PTPRB: variants seen among roughly 807,000 people sequenced by gnomAD.
PTPRB encodes the protein receptor-type tyrosine-protein phosphatase beta.
PTPRB carries 97 observed loss-of-function variants against 238.1 expected under a neutral mutation model. The observed-to-expected ratio is 0.41, with a 90% CI of 0.35 to 0.48. The LOEUF is 0.48. Among genes scored for constraint, PTPRB ranks in the 20% least tolerant of loss-of-function variants. PTPRB has a pLI of 0.30. For missense variants in PTPRB, 2,292 were observed against 2,681.9 expected, an observed-to-expected ratio of 0.85 and a Z score of 3.21; for synonymous variants, 970 against 995.4, an observed-to-expected ratio of 0.97 and a Z score of 0.48.
intron 32 of PTPRB, among the ~76,000 whole-genome samples, chr12:70,530,558 G>T (rs1873086924): frequency 6.6e-6 from 1 of 152,098 alleles, no homozygotes; most frequent in Non-Finnish European, 1.5e-5. Context: ...GTGTATTTAA[G>T]GATGAGATAA....
intron 8 of PTPRB, among the ~76,000 whole-genome samples, chr12:70,588,614 C>G (rs1882178598): frequency 6.6e-6 from 1 of 150,966 alleles, no homozygotes; most frequent in South Asian, 2.1e-4. Context: ...GCCTGGGCAA[C>G]AAGAGTGAAA....
At chr12:70,626,791 G>C (rs1885225944) in intron 2 of PTPRB, among the ~76,000 whole-genome samples, 1 of 151,894 alleles carries the variant, frequency 6.6e-6, no homozygotes. Flanking sequence ...ACGTGTGTGT[G>C]TGTGCATTAA....
intron 21 of PTPRB, among the ~76,000 whole-genome samples, chr12:70,547,131 G>A (rs1324827361): frequency 2.0e-5 from 3 of 151,942 alleles, no homozygotes; most frequent in African/African-American, 4.8e-5. Context: ...CCCTGCTCCC[G>A]CTTCTTCTGA....
intron 33 of PTPRB, 39 bp from the exon 34 acceptor site, chr12:70,521,550 G>T: frequency 6.6e-7 from 1 of 1,504,272 alleles, no homozygotes; most frequent in Non-Finnish European, 8.9e-7. Context: ...CTGCCGCAGG[G>T]TGTGTCATAA....
chr12:70,577,307 A>G (rs1880893701), intron 10 of PTPRB, among the ~76,000 whole-genome samples: 2 of 152,168 alleles, frequency 1.3e-5, no homozygotes. Context: ...TATGGCGATA[A>G]TGGGTTTTCT....
At chr12:70,631,942 G>A (rs902905635) in intron 2 of PTPRB, among the ~76,000 whole-genome samples, 2 of 152,228 alleles carry the variant, frequency 1.3e-5, no homozygotes, top group Non-Finnish European at 2.9e-5. Flanking sequence ...AGATGCTGGA[G>A]AGGATGTGGA....
At position 70,517,861 on chromosome 12, in the gene PTPRB, T is replaced by C. The variant is rs1871309868; in HGVS notation, c.*3628A>G. 1.3e-5 allele frequency: 2 copies of C among 152,130 alleles called. No individual in the cohort carries two copies. The highest frequency in any genetic ancestry group is 4.8e-5 in the African/African-American group (2 of 41,430). The allele number at this position is 152,130 out of a possible 1,614,324, so 9.4% of individuals were successfully genotyped here. A position where few individuals can be genotyped will look rare whatever the true frequency, so the allele number is the denominator to read the frequency against. On this transcript the variant is annotated 3_prime_UTR_variant, in exon 34 of 34. Transcript: ENST00000334414. ...AAGAATTCTTAGAAAGCTAAGTGAA[T>C]GAGAATTTAGTATATGGCCAATAAT...
intron 6 of PTPRB, among the ~76,000 whole-genome samples, chr12:70,593,718 A>T (rs1396209227): frequency 2.0e-5 from 3 of 152,136 alleles, no homozygotes; most frequent in African/African-American, 7.2e-5. Context: ...CTTTCCCACC[A>T]GCCTCCCATA....
intron 20 of PTPRB, 55 bp downstream of exon 20, chr12:70,555,105 A>G: frequency 6.4e-7 from 1 of 1,553,710 alleles, no homozygotes; most frequent in African/African-American, 1.4e-5. Context: ...CTCCCACATG[A>G]CCTCTGAGGA....
chr12:70,556,108 G>A lies in PTPRB; in HGVS notation c.4755C>T (p.Asn1585=). ...KIQNLHCRPQ[N]STAIACSWIP... is the part of the protein sequence containing the mutation. ...TCCAAGAACAGGCAATGGCCGTGGA[G>A]TTCTGAGGCCGGCAATGCAGGTTTT... is the stretch of plus-strand genomic sequence containing the variant. The change falls in exon 19 of 34, where the codon AAC becomes AAT. Residue 1585 remains asparagine (N), a synonymous_variant. Coordinates refer to ENST00000334414, the MANE Select transcript of PTPRB (RefSeq NM_001109754.4). The A allele has an allele frequency of 6.2e-7, 1 of 1,613,794 alleles. No individual in the cohort carries two copies. Among genetic ancestry groups the A allele is most frequent in the South Asian group, 1.1e-5 (1 of 91,074 alleles).
intron 2 of PTPRB, among the ~76,000 whole-genome samples, chr12:70,634,466 T>C (rs1215974078): frequency 1.3e-5 from 2 of 152,204 alleles, no homozygotes; most frequent in Non-Finnish European, 2.9e-5. Flanking sequence ...TTTTTATTTT[T>C]AGTTTTGGGG....
At position 70,555,188 on chromosome 12, in the gene PTPRB, G is replaced by C; in HGVS notation, c.5115C>G (p.Tyr1705Ter). The C allele has an allele frequency of 6.2e-7, 1 of 1,613,922 alleles. No homozygotes were observed. The highest frequency in any genetic ancestry group is 8.5e-7 in the Non-Finnish European group (1 of 1,179,822). The change falls in exon 20 of 34, where the codon TAC (tyrosine) becomes TAG (stop). Residue 1705 changes from tyrosine to a stop codon, truncating the protein, a stop_gained. Coordinates refer to ENST00000334414, the MANE Select transcript of PTPRB (RefSeq NM_001109754.4). LOFTEE classifies it high-confidence loss of function. ...WFSDTNGAVK[Y>*]FTVVVREADG... ...CAGCCTCTCTCACCACCACTGTGAAGTATTTCACAGCTCCATTGGTGTCGC... is the reference window on the plus strand; with the variant it reads ...CAGCCTCTCTCACCACCACTGTGAACTATTTCACAGCTCCATTGGTGTCGC...
chr12:70,572,209 A>T, intron 11 of PTPRB, 122 bp from the exon 12 acceptor site: 1 of 1,052,338 alleles, frequency 9.5e-7, no homozygotes, highest in Non-Finnish European at 1.4e-6. Flanking sequence ...TTAAAAGAAA[A>T]ATCTTAGACC....
chr12:70,547,524 T>G (rs1483425143), intron 21 of PTPRB, among the ~76,000 whole-genome samples: 28 of 1,570 alleles, frequency 0.018, no homozygotes, highest in Admixed American at 0.032. Context: ...TTTCCTTCCT[T>G]TTTTTTTTTT....
chr12:70,625,258 G>A (rs996874911), intron 2 of PTPRB, among the ~76,000 whole-genome samples: 2 of 152,166 alleles, frequency 1.3e-5, no homozygotes, highest in Non-Finnish European at 2.9e-5. Flanking sequence ...ATTTAAAGCA[G>A]TGGTTTGCAA....
chr12:70,538,280 TTATG>T, intron 27 of PTPRB, 49 bp from the exon 28 acceptor site: 2 of 1,498,776 alleles, frequency 1.3e-6, no homozygotes, highest in Non-Finnish European at 1.8e-6. Flanking sequence ...TTTCTACAGT[TTATG>T]TGATGTGTGT....
intron 21 of PTPRB, among the ~76,000 whole-genome samples, chr12:70,547,159 G>T (rs1876109758): frequency 6.6e-6 from 1 of 152,172 alleles, no homozygotes; most frequent in Non-Finnish European, 1.5e-5. Context: ...CCAGATCCGA[G>T]TGTAATCCTG....
chr12:70,526,970 A>G (rs528772921), intron 32 of PTPRB, among the ~76,000 whole-genome samples: 3 of 152,352 alleles, frequency 2.0e-5, no homozygotes, highest in South Asian at 2.1e-4. Flanking sequence ...GAAAATGATT[A>G]CTACTAAAAC....
At chr12:70,595,862 C>T (rs1052402055) in intron 5 of PTPRB, among the ~76,000 whole-genome samples, 187 bp downstream of exon 5, 1 of 152,136 alleles carries the variant, frequency 6.6e-6, no homozygotes, top group Non-Finnish European at 1.5e-5. Flanking sequence ...AAGTTACCAG[C>T]ATAGCCACGC....
Sources: gnomAD v4.1 joint callset for allele counts (sites outside exome capture counted in the v4.1 genomes callset) on GRCh38, gnomAD v4.1.1 for gene constraint, MANE v1.5 for transcripts, NCBI Gene and HGNC (gene_info 2026-07-23, HGNC 2026-07-21) for gene names.